DCLK2: variants seen among roughly 807,000 people sequenced by gnomAD.
DCLK2 encodes the protein doublecortin like kinase 2, also known as serine/threonine-protein kinase DCLK2.
DCLK2 carries 31 observed loss-of-function variants against 78.4 expected under a neutral mutation model. The observed-to-expected ratio is 0.40, with a 90% CI of 0.30 to 0.53. The LOEUF (loss-of-function observed/expected upper bound fraction) is 0.53, where lower values mean the gene tolerates loss of function less well. Among genes scored for constraint, DCLK2 ranks in the 20% least tolerant of loss-of-function variants. The probability of loss-of-function intolerance (pLI) is 0.61; values close to 1 mark genes in which losing one functional copy is unlikely to be tolerated. For missense variants in DCLK2, 872 were observed against 973.7 expected (o/e 0.90, Z 1.39); for synonymous variants, 407 against 374.9 (o/e 1.09, Z -0.99).
chr4:150,222,324 A>G (rs1372554918), intron 7 of DCLK2, among the ~76,000 whole-genome samples: 3 of 152,134 alleles, frequency 2.0e-5, no homozygotes, highest in Non-Finnish European at 2.9e-5. Context: ...AAACTGTTTT[A>G]TGTGCATTTG....
rs1432124219 is a variant in DCLK2 at position 150,172,765 on chromosome 4, G to A, written c.757-20373G>A. 2.9e-4 allele frequency among the ~76,000 whole-genome samples: 39 copies of A among 134,734 alleles called. 1 individual carries two copies. Among genetic ancestry groups the A allele is most frequent in the African/African-American group, 8.8e-4 (31 of 35,404 alleles). The allele number at this position is 134,734 out of a possible 152,430, so 88.4% of individuals were successfully genotyped here. On this transcript the variant is annotated intron_variant, in intron 2 of 15. Coordinates refer to ENST00000296550, the MANE Select transcript of DCLK2 (RefSeq NM_001040260.4). ...GAGAGTGTTCTTTTTTTTTTTGGGG[G>A]GGGGGGGGATACCTTGCTCTTTCTC...
chr4:150,186,098 G>A lies in DCLK2; in HGVS notation c.757-7040G>A, dbSNP rs80066895. On this transcript the variant is annotated intron_variant, in intron 2 of 15. Transcript: ENST00000296550. ...ACGTGGCATCCATTATTCCTGATGA[G>A]CTTCTGGAAGAGTTAATTCTTCTTT... Among the ~76,000 whole-genome samples the A allele has an allele frequency of 3.0e-3, 456 of 152,278 alleles. 17 individuals carry two copies. In the East Asian group the frequency reaches 0.073, roughly 24 times the overall value.
chr4:150,102,717 G>A lies in DCLK2; in HGVS notation c.661G>A (p.Ala221Thr), dbSNP rs753563425. ...GCGGATCCTTCTGAATAAAAAGACTGCTCATTCCTTTGAACAAGTCTTAAC... is the reference window on the plus strand; with the variant it reads ...GCGGATCCTTCTGAATAAAAAGACTACTCATTCCTTTGAACAAGTCTTAAC... The part of the protein sequence containing the change: ...AVRILLNKKT[A>T]HSFEQVLTDI... The change falls in exon 2 of 16, where the codon GCT (alanine) becomes ACT (threonine). Residue 221 changes from alanine to threonine, a missense_variant. By Grantham distance (58) the Ala-to-Thr change is moderately conservative. Coordinates refer to ENST00000296550, the MANE Select transcript of DCLK2 (RefSeq NM_001040260.4). 3.1e-6 allele frequency: 5 copies of A among 1,614,126 alleles called. No individual in the cohort carries two copies. The highest frequency in any genetic ancestry group is 4.2e-6 in the Non-Finnish European group (5 of 1,180,006).
Position 150,220,718 on chromosome 4 carries a change from G to T in DCLK2, c.1072G>T (p.Gly358Cys). 1.2e-5 allele frequency: 20 copies of T among 1,613,594 alleles called. No homozygotes were observed. Among genetic ancestry groups the T allele is most frequent in the Non-Finnish European group, 1.5e-5 (18 of 1,179,728 alleles). The change falls in exon 6 of 16, where the codon GGC (glycine) becomes TGC (cysteine). Residue 358 changes from glycine to cysteine, a missense_variant. Transcript: ENST00000296550. ...CCTCTTTCAGCAGATTTCTGCTCAT[G>T]GCAGATCTTCTTCCAATGTAAACGG... ...FRGLKQISAHGRSSSNVNGGP... is the reference protein window; with the variant it reads ...FRGLKQISAHCRSSSNVNGGP...
intron 2 of DCLK2, among the ~76,000 whole-genome samples, chr4:150,185,366 A>G (rs1737846460): frequency 6.6e-6 from 1 of 152,060 alleles, no homozygotes; most frequent in Non-Finnish European, 1.5e-5. Flanking sequence ...TTGGATTACA[A>G]TTCAAGATGA....
intron 1 of DCLK2, among the ~76,000 whole-genome samples, chr4:150,101,861 C>T (rs1730912130): frequency 6.6e-6 from 1 of 152,106 alleles, no homozygotes; most frequent in Admixed American, 6.5e-5. Flanking sequence ...AATTTACATT[C>T]TGTAAGAAGA....
intron 2 of DCLK2, among the ~76,000 whole-genome samples, chr4:150,111,352 T>C (rs542384620): frequency 7.9e-5 from 12 of 152,172 alleles, no homozygotes; most frequent in Non-Finnish European, 1.6e-4. Context: ...TCTCAATGAT[T>C]TGAGTTCCTT....
At chr4:150,239,220 T>C (rs1229210734) in intron 10 of DCLK2, among the ~76,000 whole-genome samples, 1 of 152,172 alleles carries the variant, frequency 6.6e-6, no homozygotes, top group Non-Finnish European at 1.5e-5. Flanking sequence ...AAATATTTTT[T>C]CCAAATTTCA....
chr4:150,209,490 G>A (rs1740127995), intron 5 of DCLK2, among the ~76,000 whole-genome samples: 1 of 152,208 alleles, frequency 6.6e-6, no homozygotes, highest in South Asian at 2.1e-4. Context: ...TAATTCTTAA[G>A]TTTTTTTGTG....
intron 4 of DCLK2, among the ~76,000 whole-genome samples, chr4:150,200,183 A>T (rs1362850942): frequency 6.6e-6 from 1 of 152,242 alleles, no homozygotes; most frequent in East Asian, 1.9e-4. Context: ...ATAGCCTAAT[A>T]AATATATACA....
chr4:150,184,687 G>A (rs1334522592), intron 2 of DCLK2, among the ~76,000 whole-genome samples: 2 of 149,736 alleles, frequency 1.3e-5, no homozygotes, highest in East Asian at 2.0e-4. Flanking sequence ...CTGCAAGCTC[G>A]ACCTCCTGGG....
intron 2 of DCLK2, among the ~76,000 whole-genome samples, chr4:150,181,956 T>C (rs1263825165): frequency 6.6e-6 from 1 of 152,238 alleles, no homozygotes; most frequent in Non-Finnish European, 1.5e-5. Context: ...TGAATTTGTT[T>C]ATCTGGTTGT....
chr4:150,143,630 AT>A (rs1734256250), intron 2 of DCLK2, among the ~76,000 whole-genome samples: 1 of 152,192 alleles, frequency 6.6e-6, no homozygotes, highest in Non-Finnish European at 1.5e-5. Context: ...AGATATCTTC[AT>A]TCTGTTTTCC....
intron 5 of DCLK2, among the ~76,000 whole-genome samples, chr4:150,214,021 A>T (rs1037455473): frequency 6.6e-6 from 1 of 152,192 alleles, no homozygotes; most frequent in Non-Finnish European, 1.5e-5. Flanking sequence ...ACCATACCTA[A>T]CTCATTCAAT....
chr4:150,090,485 G>T (rs1729981215), intron 1 of DCLK2, among the ~76,000 whole-genome samples: 1 of 152,150 alleles, frequency 6.6e-6, no homozygotes, highest in South Asian at 2.1e-4. Context: ...AGCTCCTGTA[G>T]ATTTTGGGAT....
At chr4:150,178,696 C>T (rs999687190) in intron 2 of DCLK2, among the ~76,000 whole-genome samples, 5 of 152,130 alleles carry the variant, frequency 3.3e-5, no homozygotes, top group Non-Finnish European at 4.4e-5. Flanking sequence ...CTCACCTTGC[C>T]GGACCACAAC....
chr4:150,182,579 C>T (rs10520059), intron 2 of DCLK2, among the ~76,000 whole-genome samples: 27,605 of 151,910 alleles, frequency 0.18, 2,679 homozygotes, highest in Non-Finnish European at 0.22. Context: ...TGCATGTTAA[C>T]GTTGTGGTAT....
intron 2 of DCLK2, among the ~76,000 whole-genome samples, chr4:150,115,447 G>T (rs978989914): frequency 6.6e-6 from 1 of 151,852 alleles, no homozygotes; most frequent in African/African-American, 2.4e-5. Flanking sequence ...CTGTTTTGTT[G>T]CCGGAATTAT....
intron 2 of DCLK2, among the ~76,000 whole-genome samples, chr4:150,177,172 G>GT (rs1452977941): frequency 1.3e-5 from 2 of 151,728 alleles, no homozygotes; most frequent in African/African-American, 4.8e-5. Context: ...CCTTTGCTTT[G>GT]TTTTTTTAAA....
Sources: allele counts gnomAD v4.1 joint callset (sites outside exome capture counted in the v4.1 genomes callset), GRCh38; gene constraint gnomAD v4.1.1; transcripts MANE v1.5; gene names NCBI Gene and HGNC (gene_info 2026-07-23, HGNC 2026-07-21).